The following SAMD4A variants were observed in gnomAD, a reference collection of about 807,000 sequenced individuals.
SAMD4A encodes the protein sterile alpha motif domain containing 4A.
A neutral mutation model predicts 81.3 loss-of-function variants in SAMD4A; 33 were observed. The observed-to-expected ratio is 0.41, with a 90% CI of 0.31 to 0.54. The LOEUF is 0.54. Ranked by LOEUF, SAMD4A falls within the 20% of genes least tolerant of loss-of-function variation. The probability of loss-of-function intolerance (pLI) is 0.37; values close to 1 mark genes in which losing one functional copy is unlikely to be tolerated. For missense variants in SAMD4A, 854 were observed against 951.1 expected, an observed-to-expected ratio of 0.90 and a Z score of 1.34; for synonymous variants, 389 against 382.1, an observed-to-expected ratio of 1.02 and a Z score of -0.21.
chr14:54,569,585 TCCTTCACTGGGG>T (rs1252909770), intron 2 of SAMD4A, among the ~76,000 whole-genome samples: 3 of 152,210 alleles, frequency 2.0e-5, no homozygotes, highest in Non-Finnish European at 4.4e-5. Context: ...AGGGCCAGCC[TCCTTCACTGGGG>T]TGTGGAAGCA....
At chr14:54,621,772 C>T (rs1172691969) in intron 2 of SAMD4A, among the ~76,000 whole-genome samples, 1 of 152,106 alleles carries the variant, frequency 6.6e-6, no homozygotes, top group Non-Finnish European at 1.5e-5. Flanking sequence ...ATTTACAGGA[C>T]ATTGATGCTT....
At chr14:54,728,106 T>C (rs1474103462) in intron 3 of SAMD4A, among the ~76,000 whole-genome samples, 1 of 152,234 alleles carries the variant, frequency 6.6e-6, no homozygotes, top group African/African-American at 2.4e-5. Context: ...TCGAGCTTGC[T>C]GTGTCTCTGG....
At chr14:54,770,800 T>C (rs1388258998) in intron 9 of SAMD4A, among the ~76,000 whole-genome samples, 1 of 152,218 alleles carries the variant, frequency 6.6e-6, no homozygotes, top group African/African-American at 2.4e-5. Flanking sequence ...ATTACCTTAA[T>C]ATAGTTTTAA....
intron 3 of SAMD4A, among the ~76,000 whole-genome samples, chr14:54,705,780 C>T (rs977477740): frequency 1.3e-5 from 2 of 152,166 alleles, no homozygotes; most frequent in Non-Finnish European, 2.9e-5. Context: ...TACCAGGAAG[C>T]TGAAGACCCT....
chr14:54,633,226 A>T (rs574486428), intron 2 of SAMD4A, among the ~76,000 whole-genome samples: 158 of 152,254 alleles, frequency 1.0e-3, no homozygotes, highest in African/African-American at 3.5e-3. Context: ...ATTAAATCCT[A>T]GATGATGAAA....
At chr14:54,704,234 T>C (rs1426705329) in intron 3 of SAMD4A, among the ~76,000 whole-genome samples, 2 of 152,212 alleles carry the variant, frequency 1.3e-5, no homozygotes, top group Non-Finnish European at 2.9e-5. Flanking sequence ...CTCTGTATGA[T>C]AAGGAGTGAT....
chr14:54,732,367 G>A (rs998143631), intron 3 of SAMD4A, among the ~76,000 whole-genome samples: 1 of 152,090 alleles, frequency 6.6e-6, no homozygotes, highest in Non-Finnish European at 1.5e-5. Flanking sequence ...CTTGGTGTAC[G>A]TAGGGATTTT....
chr14:54,569,614 G>A (rs2033069439), intron 2 of SAMD4A, among the ~76,000 whole-genome samples: 3 of 152,168 alleles, frequency 2.0e-5, no homozygotes, highest in Admixed American at 2.0e-4. Context: ...AGCATAATTG[G>A]GTAACTGATG....
chr14:54,742,929 T>C (rs1026695926), intron 4 of SAMD4A, among the ~76,000 whole-genome samples: 18 of 152,340 alleles, frequency 1.2e-4, no homozygotes, highest in Admixed American at 7.2e-4. Flanking sequence ...AGAAAAACTT[T>C]TTCTCTCTGT....
intron 6 of SAMD4A, among the ~76,000 whole-genome samples, chr14:54,758,289 G>A (rs1212282645): frequency 6.6e-6 from 1 of 152,162 alleles, no homozygotes; most frequent in Non-Finnish European, 1.5e-5. Flanking sequence ...TCCTGCCAAT[G>A]ACAGGGTGTG....
At chr14:54,619,235 G>A (rs932280381) in intron 2 of SAMD4A, among the ~76,000 whole-genome samples, 2 of 152,138 alleles carry the variant, frequency 1.3e-5, no homozygotes, top group African/African-American at 2.4e-5. Flanking sequence ...TTCAGATATG[G>A]TTGTTATCAA....
In SAMD4A at chr14:54,762,441, T is replaced by C. The variant is rs556336864; in HGVS notation, c.1510+1947T>C. ...AAAAAAAGACTTAAATTCATAGTAA[T>C]CTGGTGGAGGAGATGACTCACAGCT... is the stretch of plus-strand genomic sequence containing the variant. On this transcript the variant is annotated intron_variant, in intron 7 of 12. Transcript: ENST00000554335. 5.9e-5 allele frequency among the ~76,000 whole-genome samples: 9 copies of C among 152,282 alleles called. No individual in the cohort carries two copies. In the East Asian group the frequency reaches 1.5e-3, roughly 26 times the overall value.
intron 11 of SAMD4A, among the ~76,000 whole-genome samples, chr14:54,783,340 G>C (rs568946638): frequency 2.0e-5 from 3 of 152,320 alleles, no homozygotes; most frequent in African/African-American, 7.2e-5. Flanking sequence ...GGCACTTCCA[G>C]GTAGTTGAGG....
intron 2 of SAMD4A, among the ~76,000 whole-genome samples, chr14:54,691,551 A>C (rs2036441747): frequency 1.9e-4 from 4 of 21,174 alleles, no homozygotes; most frequent in African/African-American, 1.0e-3. Flanking sequence ...TCCCTTCTCA[A>C]AAAAAAAAAA....
rs907848587 is a variant in SAMD4A, at chr14:54,793,172, A to C, written c.*4228A>C. Reference sequence around the variant, plus strand: ...TGTACAGTTTTCAAATGTTGTTACCAGTGAAACACCCTTGTGGTTTAAACT... The same window carrying C: ...TGTACAGTTTTCAAATGTTGTTACCCGTGAAACACCCTTGTGGTTTAAACT... On this transcript the variant is annotated 3_prime_UTR_variant, in exon 13 of 13. Coordinates refer to ENST00000554335, the MANE Select transcript of SAMD4A (RefSeq NM_015589.6). 1 of 152,230 alleles carries C rather than the reference A, an allele frequency of 6.6e-6. No homozygotes were observed. The highest frequency in any genetic ancestry group is 2.4e-5 in the African/African-American group (1 of 41,448). The allele number at this position is 152,230 out of a possible 1,614,324, so 9.4% of individuals were successfully genotyped here. A position where few individuals can be genotyped will look rare whatever the true frequency, so the allele number is the denominator to read the frequency against.
intron 4 of SAMD4A, among the ~76,000 whole-genome samples, chr14:54,748,068 C>A (rs899612019): frequency 6.6e-6 from 1 of 151,996 alleles, no homozygotes; most frequent in Admixed American, 6.5e-5. Flanking sequence ...AATCTTTGGG[C>A]CTTTCAAGTC....
intron 2 of SAMD4A, 131 bp downstream of exon 2, chr14:54,568,243 G>C: frequency 2.4e-6 from 2 of 822,456 alleles, no homozygotes; most frequent in Non-Finnish European, 3.5e-6. Context: ...GTGGCCCCGA[G>C]GCCCTCGGAA....
intron 3 of SAMD4A, among the ~76,000 whole-genome samples, chr14:54,713,465 A>C (rs1037992186): frequency 6.6e-6 from 1 of 152,162 alleles, no homozygotes; most frequent in African/African-American, 2.4e-5. Flanking sequence ...AATCTGGAAA[A>C]TGCTATAAAG....
At chr14:54,575,335 T>C (rs763941635) in intron 2 of SAMD4A, among the ~76,000 whole-genome samples, 1 of 152,190 alleles carries the variant, frequency 6.6e-6, no homozygotes, top group Admixed American at 6.5e-5. Flanking sequence ...TTAGAGCCCT[T>C]GCTTAGGGCT....
Sources: allele counts gnomAD v4.1 joint callset (sites outside exome capture counted in the v4.1 genomes callset), GRCh38; gene constraint gnomAD v4.1.1; transcripts MANE v1.5; gene names NCBI Gene and HGNC (gene_info 2026-07-23, HGNC 2026-07-21).